The following SOX13 variants were observed in gnomAD, a reference collection of about 807,000 sequenced individuals.
SOX13 encodes the protein SRY-box transcription factor 13.
In SOX13, 28 loss-of-function variants were observed where a neutral mutation model predicts 71.8. The ratio of observed to expected loss-of-function variants is 0.39; its 90% CI spans 0.29 to 0.53. The LOEUF is 0.53. Ranked by LOEUF, SOX13 falls within the 20% of genes least tolerant of loss-of-function variation. The pLI is 0.70. For missense variants in SOX13, 627 were observed against 810.3 expected, an observed-to-expected ratio of 0.77 and a Z score of 2.75; for synonymous variants, 309 against 317.8, an observed-to-expected ratio of 0.97 and a Z score of 0.29.
At chr1:204,079,599 A>G (rs1655858629) in intron 1 of SOX13, among the ~76,000 whole-genome samples, 1 of 151,980 alleles carries the variant, frequency 6.6e-6, no homozygotes, top group African/African-American at 2.4e-5. Flanking sequence ...CGCCCACCTC[A>G]GCCTCCCAAA....
At chr1:204,100,184 A>G (rs1432442780) in intron 1 of SOX13, among the ~76,000 whole-genome samples, 1 of 152,192 alleles carries the variant, frequency 6.6e-6, no homozygotes, top group Non-Finnish European at 1.5e-5. Flanking sequence ...ACCACATACT[A>G]GTGTGACTCA....
chr1:204,091,236 A>G (rs73069914), intron 1 of SOX13, among the ~76,000 whole-genome samples: 1,795 of 152,184 alleles, frequency 0.012, 38 homozygotes, highest in African/African-American at 0.042. Flanking sequence ...TGGGAAAAAG[A>G]CAAGTCGCGT....
In SOX13 at chr1:204,113,095, C is replaced by A; in HGVS notation, c.180C>A (p.Asp60Glu). 2 of 1,585,420 alleles carry A rather than the reference C, an allele frequency of 1.3e-6. No homozygotes were observed. Among genetic ancestry groups the A allele is most frequent in the South Asian group, 1.1e-5 (1 of 87,154 alleles). Residue 60 changes from aspartate to glutamate, a missense_variant, in exon 2 of 14, where the codon GAC becomes GAA. By Grantham distance (45) the Asp-to-Glu change is conservative. Coordinates refer to ENST00000367204, the MANE Select transcript of SOX13 (RefSeq NM_005686.3). ...DPARASQDSA[D>E]PQAPAQGNFR... The stretch of plus-strand genomic sequence containing the variant: ...CCCGGGCCTCCCAGGATAGTGCTGA[C>A]CCCCAAGCTCCAGCCCAGGGGAATT...
chr1:204,108,625 G>T (rs1656515978), intron 1 of SOX13, among the ~76,000 whole-genome samples: 1 of 152,238 alleles, frequency 6.6e-6, no homozygotes, highest in African/African-American at 2.4e-5. Flanking sequence ...GAATGAAGGA[G>T]AGACCCTTAG....
At chr1:204,122,421 C>CT in intron 9 of SOX13, 22 bp downstream of exon 9, 1 of 1,561,090 alleles carries the variant, frequency 6.4e-7, no homozygotes, top group Non-Finnish European at 8.7e-7. Context: ...GCTGCCTGCA[C>CT]TTGTCCCTCA....
chr1:204,117,759 A>C lies in SOX13; in HGVS notation c.775+52A>C, dbSNP rs758675851. 3 of 1,257,414 alleles carry C rather than the reference A, an allele frequency of 2.4e-6. No individual in the cohort carries two copies. The South Asian group carries it at 3.8e-5, about 16-fold the overall frequency. 77.9% of individuals were successfully genotyped at this position (1,257,414 alleles called of 1,614,324 possible). A position where few individuals can be genotyped will look rare whatever the true frequency, so the allele number is the denominator to read the frequency against. On this transcript the variant is annotated intron_variant, in intron 7 of 13. Coordinates refer to ENST00000367204, the MANE Select transcript of SOX13 (RefSeq NM_005686.3). ...ACTGCGGCCAGCCTGTCCTGAGGTC[A>C]GGGAAAGCGCCCTGGAGCCACTCTC... is the stretch of plus-strand genomic sequence containing the variant.
chr1:204,097,978 C>T (rs6683209), intron 1 of SOX13, among the ~76,000 whole-genome samples: 452 of 152,170 alleles, frequency 3.0e-3, no homozygotes, highest in African/African-American at 0.01. Flanking sequence ...CTCATCTCAG[C>T]CTCCTTAGTA....
chr1:204,078,651 A>G (rs530810190), intron 1 of SOX13, among the ~76,000 whole-genome samples: 2 of 152,210 alleles, frequency 1.3e-5, no homozygotes, highest in Admixed American at 1.3e-4. Flanking sequence ...AGTGCCTTTT[A>G]CCAGATGGGG....
chr1:204,092,029 C>G (rs1656155690), intron 1 of SOX13, among the ~76,000 whole-genome samples: 1 of 151,564 alleles, frequency 6.6e-6, no homozygotes, highest in African/African-American at 2.4e-5. Flanking sequence ...TCTTCTGTCT[C>G]TTTCACTTTT....
chr1:204,111,246 C>T (rs1031767366), intron 1 of SOX13, among the ~76,000 whole-genome samples: 1 of 152,192 alleles, frequency 6.6e-6, no homozygotes, highest in African/African-American at 2.4e-5. Context: ...TCCTCACGGC[C>T]ATCCTATAGT....
At chr1:204,089,676 A>G (rs568703569) in intron 1 of SOX13, among the ~76,000 whole-genome samples, 50 of 152,304 alleles carry the variant, frequency 3.3e-4, no homozygotes, top group Admixed American at 5.9e-4. Flanking sequence ...CAGTAGATAG[A>G]GCCCTGCGGG....
rs1040755492 is a variant in SOX13, at chr1:204,127,419, C to G, written c.*1285C>G. 1.4e-5 allele frequency: 2 copies of G among 145,906 alleles called. No individual in the cohort carries two copies. The highest frequency in any genetic ancestry group is 5.0e-5 in the African/African-American group (2 of 39,964). 9.0% of individuals were successfully genotyped at this position (145,906 alleles called of 1,614,324 possible). Reference sequence around the variant, plus strand: ...TAGGGACTGGATCTCAGCCTCTGATCAGTTTCACAAAGTTTGTTCCCTAAG... The same window carrying G: ...TAGGGACTGGATCTCAGCCTCTGATGAGTTTCACAAAGTTTGTTCCCTAAG... On this transcript the variant is annotated 3_prime_UTR_variant, in exon 14 of 14. Transcript: ENST00000367204.
At chr1:204,075,433 G>A (rs1449351092) in intron 1 of SOX13, among the ~76,000 whole-genome samples, 1 of 152,252 alleles carries the variant, frequency 6.6e-6, no homozygotes, top group Non-Finnish European at 1.5e-5. Context: ...ATTAGAAAGC[G>A]CTTCACAAGA....
chr1:204,114,623 G>T lies in SOX13; in HGVS notation c.418+18G>T, dbSNP rs773723022. 1 of 1,587,480 alleles carries T rather than the reference G, an allele frequency of 6.3e-7. No homozygotes were observed. The highest frequency in any genetic ancestry group is 1.7e-5 in the Admixed American group (1 of 59,994). ...TGTCAAAGGTGAAGGCCTGTTGGGGGTGGGGGAGATGTTTGAACCCCATCT... is the reference window on the plus strand; with the variant it reads ...TGTCAAAGGTGAAGGCCTGTTGGGGTTGGGGGAGATGTTTGAACCCCATCT... On this transcript the variant is annotated intron_variant, in intron 4 of 13. Coordinates refer to ENST00000367204, the MANE Select transcript of SOX13 (RefSeq NM_005686.3).
Position 204,073,333 on chromosome 1 carries a change from C to A in SOX13, c.-380C>A, listed in dbSNP as rs1655708050. 6.5e-6 allele frequency: 1 copy of A among 152,734 alleles called. No homozygotes were observed. Among genetic ancestry groups the A allele is most frequent in the South Asian group, 2.1e-4 (1 of 4,848 alleles). 9.5% of individuals were successfully genotyped at this position (152,734 alleles called of 1,614,324 possible). On this transcript the variant is annotated 5_prime_UTR_variant, in exon 1 of 14. Transcript: ENST00000367204. The surrounding 1 kb of genome is among the most constrained non-coding windows in gnomAD (Gnocchi z 6.8). The stretch of plus-strand genomic sequence containing the variant: ...GAGCCGAAGAGCAGGGAGGGCGGGC[C>A]GGCTGCGCGTCCGACGAGTCGCAGA...
At chr1:204,125,756 G>T in intron 13 of SOX13, 102 bp from the exon 14 acceptor site, 1 of 1,276,752 alleles carries the variant, frequency 7.8e-7, no homozygotes, top group Non-Finnish European at 1.1e-6. Flanking sequence ...AGCCAAGAGT[G>T]TGTGGAGTGG....
chr1:204,109,533 T>C (rs1049054709), intron 1 of SOX13, among the ~76,000 whole-genome samples: 5 of 152,230 alleles, frequency 3.3e-5, no homozygotes, highest in Admixed American at 1.3e-4. Context: ...GGCTATACCA[T>C]ACAGCCTGGT....
At chr1:204,083,883 AG>A (rs1311256683) in intron 1 of SOX13, among the ~76,000 whole-genome samples, 4 of 152,210 alleles carry the variant, frequency 2.6e-5, no homozygotes, top group African/African-American at 9.6e-5. Flanking sequence ...GGGACAGGGC[AG>A]GATGTTTCGG....
chr1:204,090,408 C>CT (rs67694415), intron 1 of SOX13, among the ~76,000 whole-genome samples: 1,720 of 118,520 alleles, frequency 0.015, 27 homozygotes, highest in African/African-American at 0.037. Context: ...TCTTCTTCTT[C>CT]TTTTTTTTTT....
Sources: gnomAD v4.1 joint callset for allele counts (sites outside exome capture counted in the v4.1 genomes callset) on GRCh38, gnomAD v4.1.1 for gene constraint, Gnocchi (gnomAD v3.1) non-coding constraint, MANE v1.5 for transcripts, NCBI Gene and HGNC (gene_info 2026-07-23, HGNC 2026-07-21) for gene names.